The following FMN1 variants were observed in gnomAD, a reference collection of about 807,000 sequenced individuals.
FMN1 encodes formin 1.
Under a neutral mutation model 132.4 loss-of-function variants are expected in FMN1, and 110 were observed. The observed-to-expected ratio is 0.83, with a 90% CI of 0.71 to 0.97. The LOEUF is 0.97. Among genes scored for constraint, FMN1 ranks in the 50% least tolerant of loss-of-function variants. FMN1 has a pLI of 0.00. For missense variants in FMN1, 1,792 were observed against 1,705.3 expected (o/e 1.05, Z -0.90); for synonymous variants, 722 against 651.7 (o/e 1.11, Z -1.64).
chr15:32,891,095 A>G (rs1362310062), intron 15 of FMN1, among the ~76,000 whole-genome samples: 3 of 152,118 alleles, frequency 2.0e-5, no homozygotes, highest in South Asian at 2.1e-4. Context: ...CCATTGGTCT[A>G]TGTGCCTATT....
At chr15:32,836,209 G>A (rs924900034) in intron 17 of FMN1, among the ~76,000 whole-genome samples, 7 of 151,996 alleles carry the variant, frequency 4.6e-5, no homozygotes, top group Non-Finnish European at 8.8e-5. Context: ...AGGAAGAAAG[G>A]GACTAGATTT....
chr15:33,163,481 A>AG (rs1964976667), intron 3 of FMN1, among the ~76,000 whole-genome samples: 1 of 149,624 alleles, frequency 6.7e-6, no homozygotes, highest in African/African-American at 2.5e-5. Context: ...TTTAGTAGAG[A>AG]GGGGGTTTCT....
intron 4 of FMN1, among the ~76,000 whole-genome samples, chr15:33,100,981 CAT>C: frequency 6.6e-6 from 1 of 152,218 alleles, no homozygotes; most frequent in East Asian, 1.9e-4. Flanking sequence ...ATTTTAAACA[CAT>C]AAAAGAGATC....
At chr15:32,981,541 A>AT (rs201966807) in intron 7 of FMN1, among the ~76,000 whole-genome samples, 23,271 of 139,770 alleles carry the variant, frequency 0.17, 1,990 homozygotes, top group Non-Finnish European at 0.19. Context: ...AATAATAATA[A>AT]TAATTATTAT....
At chr15:33,036,131 G>C (rs12911685) in intron 6 of FMN1, among the ~76,000 whole-genome samples, 28,105 of 152,086 alleles carry the variant, frequency 0.18, 2,779 homozygotes, top group Middle Eastern at 0.24. Context: ...CTCAGAGTCA[G>C]GTATCCTGTT....
intron 4 of FMN1, among the ~76,000 whole-genome samples, chr15:33,107,350 C>T (rs2140106522): frequency 6.6e-6 from 1 of 152,104 alleles, no homozygotes. Context: ...CAAAGCATGC[C>T]AACGATCTTT....
intron 17 of FMN1, among the ~76,000 whole-genome samples, chr15:32,842,180 G>C (rs971437921): frequency 6.6e-6 from 1 of 152,144 alleles, no homozygotes; most frequent in African/African-American, 2.4e-5. Flanking sequence ...TGGAACATTT[G>C]CTCAGGAAAA....
At chr15:32,905,571 T>A (rs2060404427) in intron 12 of FMN1, among the ~76,000 whole-genome samples, 1 of 152,204 alleles carries the variant, frequency 6.6e-6, no homozygotes, top group Non-Finnish European at 1.5e-5. Flanking sequence ...TCAGACAGCC[T>A]GGTCCCAAAC....
At chr15:32,949,952 T>TATATATATACAC (rs1555503082) in intron 9 of FMN1, among the ~76,000 whole-genome samples, 3 of 50,508 alleles carry the variant, frequency 5.9e-5, no homozygotes, top group African/African-American at 1.2e-4. Flanking sequence ...TATATATATA[T>TATATATATACAC]ATATATATAT....
At chr15:33,166,856 G>A (rs987906304) in intron 3 of FMN1, among the ~76,000 whole-genome samples, 1 of 152,178 alleles carries the variant, frequency 6.6e-6, no homozygotes, top group Non-Finnish European at 1.5e-5. Flanking sequence ...AGAAAGGGCT[G>A]TGTAACCCAG....
chr15:33,011,935 A>G (rs1181884107), intron 6 of FMN1, among the ~76,000 whole-genome samples: 1 of 152,264 alleles, frequency 6.6e-6, no homozygotes, highest in African/African-American at 2.4e-5. Context: ...CTTCACTTAC[A>G]GCAGGAGTGC....
chr15:32,970,448 A>G (rs1480953703), intron 7 of FMN1, among the ~76,000 whole-genome samples: 1 of 152,176 alleles, frequency 6.6e-6, no homozygotes, highest in Non-Finnish European at 1.5e-5. Context: ...TTGTCTTTCT[A>G]TCTGTATCCC....
rs544476706 is a variant in FMN1 at position 32,768,529 on chromosome 15, G to A, written c.*5781C>T. 6.2e-4 allele frequency: 94 copies of A among 152,348 alleles called. 2 individuals carry two copies. The highest frequency in any genetic ancestry group is 2.1e-3 in the African/African-American group (87 of 41,572). 9.4% of individuals were successfully genotyped at this position (152,348 alleles called of 1,614,324 possible). A position where few individuals can be genotyped will look rare whatever the true frequency, so the allele number is the denominator to read the frequency against. The stretch of plus-strand genomic sequence containing the variant: ...ACGTTCTCATAGTTTCAAAGGTAGA[G>A]AGCCCCTCAGTGTCTGCACAGGTAG... On this transcript the variant is annotated 3_prime_UTR_variant, in exon 21 of 21. Coordinates refer to ENST00000616417, the MANE Select transcript of FMN1 (RefSeq NM_001277313.2).
At chr15:32,863,399 A>G (rs911211536) in intron 16 of FMN1, among the ~76,000 whole-genome samples, 3 of 152,154 alleles carry the variant, frequency 2.0e-5, no homozygotes, top group Admixed American at 2.0e-4. Flanking sequence ...GTGCCACTGC[A>G]CTCCAGCCTG....
intron 17 of FMN1, among the ~76,000 whole-genome samples, chr15:32,814,078 G>T (rs1260292616): frequency 6.6e-6 from 1 of 152,100 alleles, no homozygotes; most frequent in African/African-American, 2.4e-5. Context: ...GACCGTGGGG[G>T]TACAATTTCA....
chr15:32,815,681 C>T (rs937607785), intron 17 of FMN1, among the ~76,000 whole-genome samples: 4 of 152,188 alleles, frequency 2.6e-5, no homozygotes, highest in Non-Finnish European at 5.9e-5. Context: ...TTCCCTTCAC[C>T]AGCCATAGCT....
chr15:32,876,555 G>C (rs4780056), intron 16 of FMN1, among the ~76,000 whole-genome samples: 48,278 of 152,130 alleles, frequency 0.32, 8,208 homozygotes, highest in African/African-American at 0.44. Flanking sequence ...AAGTAACTGA[G>C]AAGAGCTATA....
At chr15:32,774,659 C>T (rs553357306) in intron 20 of FMN1, among the ~76,000 whole-genome samples, 6 of 152,252 alleles carry the variant, frequency 3.9e-5, no homozygotes, top group African/African-American at 1.2e-4. Flanking sequence ...GTGACAAAGA[C>T]CCTAACTTTG....
chr15:33,026,911 G>T (rs2035704278), intron 6 of FMN1, among the ~76,000 whole-genome samples: 1 of 152,150 alleles, frequency 6.6e-6, no homozygotes, highest in Admixed American at 6.5e-5. Context: ...GTAACATATT[G>T]CAGCTGTCAC....
Sources: allele counts gnomAD v4.1 joint callset (sites outside exome capture counted in the v4.1 genomes callset), GRCh38; gene constraint gnomAD v4.1.1; transcripts MANE v1.5; gene names NCBI Gene and HGNC (gene_info 2026-07-23, HGNC 2026-07-21).